Variants in HAUS1 observed in about 807,000 individuals in gnomAD.
The protein encoded by HAUS1 is HAUS augmin-like complex subunit 1.
Under a neutral mutation model 38.6 loss-of-function variants are expected in HAUS1, and 25 were observed. The observed-to-expected ratio is 0.65, with a 90% confidence interval of 0.47 to 0.91. HAUS1 has a LOEUF of 0.91. HAUS1 is among the 40% of genes least tolerant of loss of function. The pLI is 0.00. For synonymous variants in HAUS1, 109 were observed against 112.9 expected, an observed-to-expected ratio of 0.97 and a Z score of 0.22; for missense variants, 325 against 328.4, an observed-to-expected ratio of 0.99 and a Z score of 0.08.
chr18:46,114,270 TAA>T (rs1355767424), intron 2 of HAUS1, among the ~76,000 whole-genome samples: 1 of 152,240 alleles, frequency 6.6e-6, no homozygotes, highest in Non-Finnish European at 1.5e-5. Flanking sequence ...TGAACCTTTC[TAA>T]GCTCTGTTGC....
intron 2 of HAUS1, among the ~76,000 whole-genome samples, chr18:46,110,333 GTTT>G (rs71160713): frequency 2.0e-5 from 1 of 49,992 alleles, no homozygotes; most frequent in Non-Finnish European, 3.5e-5. Context: ...TTTTTTTAAG[GTTT>G]TTTTTTTTTT....
chr18:46,123,259 A>G, intron 5 of HAUS1, 40 bp from the exon 6 acceptor site: 1 of 1,386,332 alleles, frequency 7.2e-7, no homozygotes, highest in Admixed American at 2.0e-5. Context: ...TCACTTTTCA[A>G]ATAATTTTTT....
At chr18:46,124,741 G>A in intron 6 of HAUS1, 81 bp from the exon 7 acceptor site, 1 of 734,772 alleles carries the variant, frequency 1.4e-6, no homozygotes, top group South Asian at 1.7e-5. Context: ...ATGCTTTGTT[G>A]TGTTTTATTT....
intron 2 of HAUS1, among the ~76,000 whole-genome samples, chr18:46,107,165 A>AC (rs1490447694): frequency 2.6e-5 from 4 of 152,196 alleles, no homozygotes; most frequent in African/African-American, 9.6e-5. Context: ...CAGTTCCATC[A>AC]CCCCAAAAAC....
At chr18:46,106,542 A>C (rs922279550) in intron 2 of HAUS1, among the ~76,000 whole-genome samples, 4 of 152,206 alleles carry the variant, frequency 2.6e-5, no homozygotes, top group African/African-American at 9.6e-5. Context: ...CCACAAAAGT[A>C]AAGATTGACA....
At position 46,127,012 on chromosome 18, in the gene HAUS1, T is replaced by A. The variant is rs149620599; in HGVS notation, c.787-1063T>A. On this transcript the variant is annotated intron_variant, in intron 8 of 8. Coordinates refer to ENST00000282058, the MANE Select transcript of HAUS1 (RefSeq NM_138443.4). ...ACCACGCCTGGCTAATTTTTATATTTTTAGTAGGACGGGGTTTTGCTATGT... is the reference window on the plus strand; with the variant it reads ...ACCACGCCTGGCTAATTTTTATATTATTAGTAGGACGGGGTTTTGCTATGT... 1.6e-4 allele frequency among the ~76,000 whole-genome samples: 24 copies of A among 151,982 alleles called. No homozygotes were observed. In the East Asian group the frequency reaches 4.7e-3, roughly 29 times the overall value.
intron 2 of HAUS1, among the ~76,000 whole-genome samples, chr18:46,108,539 ATTC>A (rs1203880344): frequency 2.0e-5 from 3 of 151,870 alleles, no homozygotes; most frequent in Non-Finnish European, 2.9e-5. Context: ...TTGATTTGAG[ATTC>A]TTCTTCTTTC....
chr18:46,105,255 C>G lies in HAUS1; in HGVS notation c.92C>G (p.Pro31Arg). The change falls in exon 2 of 9, where the codon CCA becomes CGA. Residue 31 changes from proline (P) to arginine (R), a missense_variant. Coordinates refer to ENST00000282058, the MANE Select transcript of HAUS1 (RefSeq NM_138443.4). ...CCTATTCCACAGTATGAGGTGAACCCACGGACCACAGAGATTTTACATCAC... is the reference window on the plus strand; with the variant it reads ...CCTATTCCACAGTATGAGGTGAACCGACGGACCACAGAGATTTTACATCAC... ...DHPIPQYEVNPRTTEILHHLS... is the reference protein window; with the variant it reads ...DHPIPQYEVNRRTTEILHHLS... 6.2e-7 allele frequency: 1 copy of G among 1,613,246 alleles called. No individual in the cohort carries two copies. Among genetic ancestry groups the G allele is most frequent in the South Asian group, 1.1e-5 (1 of 91,016 alleles).
Position 46,124,813 on chromosome 18 carries a change from T to C in HAUS1, c.667-9T>C, listed in dbSNP as rs755411425. ...CTATTACTCTGTGACTGTGTTCTTTTACCCCCAGAAACTGGCAAGATTAAA... is the reference window on the plus strand; with the variant it reads ...CTATTACTCTGTGACTGTGTTCTTTCACCCCCAGAAACTGGCAAGATTAAA... On this transcript the variant is annotated splice_polypyrimidine_tract_variant and intron_variant, in intron 6 of 8. Coordinates refer to ENST00000282058, the MANE Select transcript of HAUS1 (RefSeq NM_138443.4). 1.9e-6 allele frequency: 3 copies of C among 1,567,426 alleles called. No individual in the cohort carries two copies. Among genetic ancestry groups the C allele is most frequent in the Admixed American group, 3.4e-5 (2 of 58,350 alleles).
At chr18:46,121,321 CTGGG>C (rs1911936526) in intron 4 of HAUS1, among the ~76,000 whole-genome samples, 1 of 152,016 alleles carries the variant, frequency 6.6e-6, no homozygotes, top group African/African-American at 2.4e-5. Context: ...TTTCAAGTAG[CTGGG>C]ATTACAGGCA....
At position 46,109,942 on chromosome 18, in the gene HAUS1, AAGG is replaced by A. The variant is rs1208853532; in HGVS notation, c.205+4575_205+4577del. 5.9e-5 allele frequency among the ~76,000 whole-genome samples: 9 copies of A among 152,046 alleles called. No individual in the cohort carries two copies. The East Asian group carries it at 1.7e-3, about 29-fold the overall frequency. On this transcript the variant is annotated intron_variant, in intron 2 of 8. Coordinates refer to ENST00000282058, the MANE Select transcript of HAUS1 (RefSeq NM_138443.4). Reference sequence around the variant, plus strand: ...GCCTCAGTTGCTTTTTTAATCAGTTAAGGGAAGAAAGTAGAAAAAATATGCATG... The same window carrying A: ...GCCTCAGTTGCTTTTTTAATCAGTTAGAAGAAAGTAGAAAAAATATGCATG...
At chr18:46,106,832 T>G (rs778777472) in intron 2 of HAUS1, 1 of 152,108 alleles carries the variant, frequency 6.6e-6, no homozygotes, top group Non-Finnish European at 1.5e-5. Context: ...CTGGCCAAGA[T>G]GGTAAAACCC....
chr18:46,108,332 T>G (rs569961903), intron 2 of HAUS1, among the ~76,000 whole-genome samples: 2 of 149,788 alleles, frequency 1.3e-5, no homozygotes, highest in Admixed American at 1.3e-4. Context: ...GTATTTTTAC[T>G]AGAGACAGTG....
intron 6 of HAUS1, among the ~76,000 whole-genome samples, chr18:46,124,348 C>T (rs924907561): frequency 2.8e-5 from 4 of 142,932 alleles, no homozygotes; most frequent in African/African-American, 8.0e-5. Context: ...ACTCAGGGGG[C>T]GGAGGTTGCA....
intron 2 of HAUS1, among the ~76,000 whole-genome samples, chr18:46,107,663 G>C (rs1911513662): frequency 6.6e-6 from 1 of 152,178 alleles, no homozygotes; most frequent in African/African-American, 2.4e-5. Context: ...TCCTCCATTT[G>C]CGATTCTAAA....
At chr18:46,110,207 G>A (rs1396480743) in intron 2 of HAUS1, among the ~76,000 whole-genome samples, 3 of 141,032 alleles carry the variant, frequency 2.1e-5, no homozygotes, top group Non-Finnish European at 3.0e-5. Context: ...CCAGGCTGAC[G>A]TGTAGTGGCA....
In HAUS1 at chr18:46,110,362, T is replaced by TA. The variant is rs1279318245; in HGVS notation, c.205+4995dup. Reference sequence around the variant, plus strand: ...TTTTTTTTTTTTTTTTTTTTTTTTTTAGATGGAGTTTCACTCTTGTTGCCC... The same window carrying TA: ...TTTTTTTTTTTTTTTTTTTTTTTTTTAAGATGGAGTTTCACTCTTGTTGCCC... On this transcript the variant is annotated intron_variant, in intron 2 of 8. Transcript: ENST00000282058. Among the ~76,000 whole-genome samples, 7 of 135,130 alleles carry TA rather than the reference T, an allele frequency of 5.2e-5. No homozygotes were observed. In the East Asian group the frequency reaches 1.5e-3, roughly 28 times the overall value. 88.7% of individuals were successfully genotyped at this position (135,130 alleles called of 152,430 possible).
chr18:46,105,456 G>C, intron 2 of HAUS1, 88 bp downstream of exon 2: 1 of 1,115,360 alleles, frequency 9.0e-7, no homozygotes, highest in Non-Finnish European at 1.3e-6. Flanking sequence ...ATTTACTGTA[G>C]ACTACTTGTT....
At chr18:46,115,640 TA>T (rs920063619) in intron 2 of HAUS1, among the ~76,000 whole-genome samples, 2 of 151,378 alleles carry the variant, frequency 1.3e-5, no homozygotes, top group African/African-American at 4.9e-5. Flanking sequence ...AAAAAAAGCC[TA>T]AAAAATATGA....
Sources: gnomAD v4.1 joint callset for allele counts (sites outside exome capture counted in the v4.1 genomes callset) on GRCh38, gnomAD v4.1.1 for gene constraint, MANE v1.5 for transcripts, NCBI Gene and HGNC (gene_info 2026-07-23, HGNC 2026-07-21) for gene names.